Variants in ANO3 observed in about 807,000 individuals in gnomAD.
ANO3 encodes anoctamin-3.
Under a neutral mutation model 144.8 loss-of-function variants are expected in ANO3, and 99 were observed. The ratio of observed to expected loss-of-function variants is 0.68; its 90% CI spans 0.58 to 0.81. The LOEUF is 0.81. Among genes scored for constraint, ANO3 ranks in the 30% least tolerant of loss-of-function variants. The pLI is 0.00. For missense variants in ANO3, 905 were observed against 1,202.2 expected, an observed-to-expected ratio of 0.75 and a Z score of 3.66; for synonymous variants, 414 against 392.6, an observed-to-expected ratio of 1.05 and a Z score of -0.64.
At chr11:26,456,196 A>G (rs1859152472) in intron 3 of ANO3, among the ~76,000 whole-genome samples, 1 of 152,226 alleles carries the variant, frequency 6.6e-6, no homozygotes, top group Non-Finnish European at 1.5e-5. Context: ...ACCAAAAGTA[A>G]TGGCAACAGA....
intron 4 of ANO3, among the ~76,000 whole-genome samples, chr11:26,484,837 T>A (rs1860380168): frequency 1.3e-5 from 2 of 152,174 alleles, no homozygotes; most frequent in Admixed American, 1.3e-4. Flanking sequence ...GCCAAGCCCT[T>A]TCATCAGTGT....
chr11:26,451,715 C>A (rs1383411403), intron 3 of ANO3, among the ~76,000 whole-genome samples: 4 of 152,136 alleles, frequency 2.6e-5, no homozygotes, highest in Non-Finnish European at 5.9e-5. Flanking sequence ...TCCTGTCTGA[C>A]AGATTTGAAG....
At chr11:26,542,735 A>G (rs1290539977) in intron 11 of ANO3, among the ~76,000 whole-genome samples, 2 of 152,076 alleles carry the variant, frequency 1.3e-5, no homozygotes, top group African/African-American at 4.8e-5. Flanking sequence ...ATATTGTTGT[A>G]TTCACGATTT....
intron 5 of ANO3, among the ~76,000 whole-genome samples, chr11:26,515,178 T>C (rs938330871): frequency 4.6e-5 from 7 of 152,070 alleles, no homozygotes; most frequent in African/African-American, 1.7e-4. Flanking sequence ...AACAAATGTA[T>C]TTTAAATAGG....
At position 26,662,670 on chromosome 11, in the gene ANO3, G is replaced by A. The variant is rs1447591993; in HGVS notation, c.*2226G>A. 4.6e-5 allele frequency: 7 copies of A among 151,932 alleles called. No individual in the cohort carries two copies. The highest frequency in any genetic ancestry group is 1.7e-4 in the African/African-American group (7 of 41,386). The allele number at this position is 151,932 out of a possible 1,614,324, so 9.4% of individuals were successfully genotyped here. A position where few individuals can be genotyped will look rare whatever the true frequency, so the allele number is the denominator to read the frequency against. On this transcript the variant is annotated 3_prime_UTR_variant, in exon 27 of 27. Coordinates refer to ENST00000256737, the MANE Select transcript of ANO3 (RefSeq NM_031418.4). ...AGAAAAATATTTTAATTTAAAAATT[G>A]TAATACATTGATTTATAAAATGCCT...
intron 1 of ANO3, among the ~76,000 whole-genome samples, chr11:26,408,403 T>C (rs1196810036): frequency 3.3e-5 from 5 of 151,912 alleles, no homozygotes; most frequent in Non-Finnish European, 5.9e-5. Context: ...ATCAGAGAAA[T>C]ACAAATAAAA....
chr11:26,661,398 A>G lies in ANO3; in HGVS notation c.*954A>G, dbSNP rs1007873311. The G allele has an allele frequency of 3.3e-5, 5 of 152,670 alleles. No individual in the cohort carries two copies. The highest frequency in any genetic ancestry group is 2.6e-4 in the Admixed American group (4 of 15,270). 9.5% of individuals were successfully genotyped at this position (152,670 alleles called of 1,614,324 possible). On this transcript the variant is annotated 3_prime_UTR_variant, in exon 27 of 27. Transcript: ENST00000256737. ...TTTGCACCTTGACAGTACGTAGTAT[A>G]CATTGTGGTTTATGCAGCTCTGACA...
chr11:26,549,954 A>G (rs964084913), intron 12 of ANO3, among the ~76,000 whole-genome samples: 3 of 151,860 alleles, frequency 2.0e-5, no homozygotes, highest in African/African-American at 7.2e-5. Context: ...TGTCCTTAGC[A>G]ATAAGCTTCT....
intron 1 of ANO3, among the ~76,000 whole-genome samples, chr11:26,382,030 T>A (rs970573314): frequency 3.3e-5 from 5 of 152,208 alleles, no homozygotes; most frequent in Admixed American, 2.6e-4. Context: ...CTCTATTTCA[T>A]AATCTCCCTA....
At chr11:26,637,290 T>A (rs1234402070) in intron 20 of ANO3, among the ~76,000 whole-genome samples, 1 of 152,204 alleles carries the variant, frequency 6.6e-6, no homozygotes, top group East Asian at 1.9e-4. Context: ...ACCAATCACA[T>A]GATCCTATGA....
At chr11:26,401,075 A>C (rs1021653280) in intron 1 of ANO3, among the ~76,000 whole-genome samples, 20 of 152,020 alleles carry the variant, frequency 1.3e-4, no homozygotes, top group African/African-American at 4.8e-4. Context: ...TGATGACATA[A>C]AAGGAACAGG....
intron 20 of ANO3, among the ~76,000 whole-genome samples, chr11:26,638,111 G>A (rs6484229): frequency 0.35 from 52,806 of 151,982 alleles, 9,772 homozygotes; most frequent in South Asian, 0.48. Flanking sequence ...ACTTAAAAAT[G>A]CATTATAATA....
At chr11:26,575,755 T>G (rs781337604) in intron 14 of ANO3, among the ~76,000 whole-genome samples, 1 of 152,196 alleles carries the variant, frequency 6.6e-6, no homozygotes, top group Non-Finnish European at 1.5e-5. Flanking sequence ...TCAGACATTT[T>G]CAATAATTTC....
intron 6 of ANO3, among the ~76,000 whole-genome samples, chr11:26,524,413 A>G (rs1267964979): frequency 1.3e-5 from 2 of 152,116 alleles, no homozygotes; most frequent in African/African-American, 2.4e-5. Flanking sequence ...AGTGAAAGGG[A>G]CTGCAATGAA....
At position 26,570,627 on chromosome 11, in the gene ANO3, C is replaced by T. The variant is rs145766483; in HGVS notation, c.1447+10848C>T. Among the ~76,000 whole-genome samples, 1,360 of 152,178 alleles carry T rather than the reference C, an allele frequency of 8.9e-3. 28 individuals are homozygous for T. The highest frequency in any genetic ancestry group is 0.031 in the African/African-American group (1,276 of 41,544). On this transcript the variant is annotated intron_variant, in intron 14 of 26. Transcript: ENST00000256737. ...CATGTTTCTATAGTAAAATCACTGA[C>T]GACTATACATTGGGCTGCCTTTTCT... is the stretch of plus-strand genomic sequence containing the variant.
At chr11:26,597,854 C>A (rs1851681778) in intron 14 of ANO3, among the ~76,000 whole-genome samples, 1 of 152,226 alleles carries the variant, frequency 6.6e-6, no homozygotes, top group Non-Finnish European at 1.5e-5. Context: ...GAGTCCTTTT[C>A]AGTCCATGTA....
intron 3 of ANO3, among the ~76,000 whole-genome samples, chr11:26,449,485 TCTCACA>T (rs1304507235): frequency 4.7e-4 from 14 of 29,822 alleles, no homozygotes; most frequent in African/African-American, 1.2e-3. Context: ...TCTCTCTCTC[TCTCACA>T]CACACACACA....
At chr11:26,401,924 A>G (rs1356451461) in intron 1 of ANO3, among the ~76,000 whole-genome samples, 1 of 152,008 alleles carries the variant, frequency 6.6e-6, no homozygotes, top group African/African-American at 2.4e-5. Flanking sequence ...TTATGATCCG[A>G]CAGTAACAGA....
At chr11:26,513,103 A>G (rs394585) in intron 5 of ANO3, among the ~76,000 whole-genome samples, 119,278 of 151,728 alleles carry the variant, frequency 0.79, 47,026 homozygotes, top group East Asian at 0.84. Context: ...TAAGGCAAGA[A>G]CCGACAAGAA....
Sources: allele counts gnomAD v4.1 joint callset (sites outside exome capture counted in the v4.1 genomes callset), GRCh38; gene constraint gnomAD v4.1.1; transcripts MANE v1.5; gene names NCBI Gene and HGNC (gene_info 2026-07-23, HGNC 2026-07-21).